The following PFKM variants were observed in gnomAD, a reference collection of about 807,000 sequenced individuals.
PFKM encodes ATP-dependent 6-phosphofructokinase, muscle type.
A neutral mutation model predicts 95.5 loss-of-function variants in PFKM; 58 were observed. The ratio of observed to expected loss-of-function variants is 0.61; its 90% CI spans 0.49 to 0.76. The LOEUF is 0.76. PFKM is among the 30% of genes least tolerant of loss of function. The pLI is 0.00. For missense variants in PFKM, 678 were observed against 1,005.4 expected (o/e 0.67, Z 4.40); for synonymous variants, 336 against 357.2 (o/e 0.94, Z 0.67).
intron 4 of PFKM, 153 bp from the exon 5 acceptor site, chr12:48,132,715 C>G: frequency 1.4e-6 from 1 of 709,944 alleles, no homozygotes; most frequent in Non-Finnish European, 2.5e-6. Context: ...CATCATTTCC[C>G]TTTCCTTTGG....
rs1371342955 is a variant in PFKM at position 48,130,420 on chromosome 12, T to A, written c.143T>A (p.Val48Asp). The A allele has an allele frequency of 6.2e-7, 1 of 1,612,930 alleles. No individual in the cohort carries two copies. The highest frequency in any genetic ancestry group is 8.5e-7 in the Non-Finnish European group (1 of 1,178,850). The change falls in exon 3 of 23, where the codon GTC becomes GAC. Residue 48 changes from valine to aspartate, a missense_variant. Coordinates refer to ENST00000359794, the MANE Select transcript of PFKM (RefSeq NM_000289.6). Reference protein sequence around the residue: ...VRVGIFTGARVFFVHEGYQGL... With the variant: ...VRVGIFTGARDFFVHEGYQGL... ...GTTGGTATCTTCACCGGTGCCCGTG[T>A]CTTCTTTGTCCATGAGGTTGGTTCT...
At chr12:48,142,325 T>C (rs1035322015) in intron 17 of PFKM, 2 of 482,782 alleles carry the variant, frequency 4.1e-6, no homozygotes, top group African/African-American at 3.9e-5. Context: ...ATACAAAAAC[T>C]AGCTGGGTGT....
chr12:48,113,907 G>T (rs1268600477), intron 3 of PFKM, among the ~76,000 whole-genome samples: 3 of 152,286 alleles, frequency 2.0e-5, no homozygotes, highest in Admixed American at 6.5e-5. Context: ...GGGTGGTAAA[G>T]CGTCTAAGGG....
At chr12:48,108,727 T>TATG (rs1946924672) in intron 3 of PFKM, among the ~76,000 whole-genome samples, 1 of 152,212 alleles carries the variant, frequency 6.6e-6, no homozygotes, top group South Asian at 2.1e-4. Context: ...GTATTTCGTC[T>TATG]TAACTTAAAT....
chr12:48,139,583 G>A, intron 12 of PFKM: 1 of 615,932 alleles, frequency 1.6e-6, no homozygotes, highest in Non-Finnish European at 2.9e-6. Flanking sequence ...CTATATGTGA[G>A]CCCCAGCAAG....
intron 3 of PFKM, 36 bp from the exon 4 acceptor site, chr12:48,131,280 G>T: frequency 7.1e-7 from 1 of 1,412,224 alleles, no homozygotes; most frequent in Non-Finnish European, 1.0e-6. Context: ...TTATAGAGAA[G>T]CCTAACGGGC....
rs1950948181 is a variant in PFKM, at chr12:48,145,351, C to T, written c.2198+36C>T. ...CTGCTTCCTGGAGTGGTTCTTTTCC[C>T]TGGTAGTTTCAAGCTCTACTGTCCT... On this transcript the variant is annotated intron_variant, in intron 22 of 22. Coordinates refer to ENST00000359794, the MANE Select transcript of PFKM (RefSeq NM_000289.6). The surrounding 1 kb of genome is among the most constrained non-coding windows in gnomAD (Gnocchi z 4.3). 1.3e-6 allele frequency: 2 copies of T among 1,548,016 alleles called. No individual in the cohort carries two copies. Among genetic ancestry groups the T allele is most frequent in the Non-Finnish European group, 8.9e-7 (1 of 1,120,200 alleles).
exon 3 of PFKM, chr12:48,108,113 C>T (rs1357131610): frequency 6.3e-7 from 1 of 1,599,210 alleles, no homozygotes; most frequent in Non-Finnish European, 8.5e-7. Flanking sequence ...ACCAAAGCCA[C>T]CACCAAAGAC....
chr12:48,129,186 TTC>T (rs1949160595), intron 2 of PFKM, among the ~76,000 whole-genome samples: 1 of 151,440 alleles, frequency 6.6e-6, no homozygotes, highest in Admixed American at 6.6e-5. Context: ...TAAGTTTTTG[TTC>T]TGTTTTGTTT....
chr12:48,139,240 A>G, intron 11 of PFKM, 45 bp from the exon 12 acceptor site: 1 of 1,486,916 alleles, frequency 6.7e-7, no homozygotes, highest in East Asian at 2.3e-5. Flanking sequence ...AGCTGTGCAG[A>G]ATCCTGACCC....
In PFKM at chr12:48,145,679, C is replaced by T. The variant is rs1286672315; in HGVS notation, c.2314C>T (p.Arg772Trp). 14 of 1,614,072 alleles carry T rather than the reference C, an allele frequency of 8.7e-6. No individual in the cohort carries two copies. Among genetic ancestry groups the T allele is most frequent in the South Asian group, 4.4e-5 (4 of 91,086 alleles). ...CCATGCCCACCTGGAGCACATCACC[C>T]GGAAGCGGTCCGGGGAAGCTGCCGT... ...SDHAHLEHIT[R>W]KRSGEAAV is the part of the protein sequence containing the mutation. The change falls in exon 23 of 23, where the codon CGG becomes TGG. Residue 772 changes from arginine to tryptophan, a missense_variant. Physicochemically the swap from Arg to Trp is moderately radical, Grantham distance 101. Transcript: ENST00000359794. This position sits in a 1 kb window ranked among gnomAD's most constrained non-coding sequence, Gnocchi z 4.3.
chr12:48,130,756 C>G (rs979003584), intron 3 of PFKM, among the ~76,000 whole-genome samples: 1 of 152,138 alleles, frequency 6.6e-6, no homozygotes, highest in African/African-American at 2.4e-5. Flanking sequence ...TTAGTATATC[C>G]AGAGGAAGAG....
chr12:48,139,410 A>T, intron 12 of PFKM, 61 bp downstream of exon 12: 1 of 1,311,774 alleles, frequency 7.6e-7, no homozygotes, highest in Non-Finnish European at 1.1e-6. Context: ...GAAGCCAAAG[A>T]TCTCCATGGC....
rs1946846742 is a variant in PFKM, at chr12:48,107,968, A to G, written c.83-104A>G. On this transcript the variant is annotated intron_variant, in intron 2 of 24. Transcript: ENST00000340802. ...AATTTTTCACTGGATTTTTGGAAAGAAAGCCCTGGACAGCTCAGAGTCATA... is the reference window on the plus strand; with the variant it reads ...AATTTTTCACTGGATTTTTGGAAAGGAAGCCCTGGACAGCTCAGAGTCATA... 3 of 1,129,740 alleles carry G rather than the reference A, an allele frequency of 2.7e-6. No individual in the cohort carries two copies. In the East Asian group the frequency reaches 7.4e-5, roughly 28 times the overall value. 70.0% of individuals were successfully genotyped at this position (1,129,740 alleles called of 1,614,324 possible).
chr12:48,108,213 C>A, intron 3 of PFKM: 1 of 1,593,420 alleles, frequency 6.3e-7, no homozygotes, highest in Non-Finnish European at 8.5e-7. Context: ...TGTGGGTCAA[C>A]AGTGAGAAAT....
intron 7 of PFKM, among the ~76,000 whole-genome samples, 153 bp from the exon 8 acceptor site, chr12:48,134,568 A>G (rs955335519): frequency 6.6e-6 from 1 of 152,222 alleles, no homozygotes; most frequent in African/African-American, 2.4e-5. Flanking sequence ...AATCTCATTG[A>G]GGGGCCCCGG....
chr12:48,108,123 C>T (rs1946865718), exon 3 of PFKM: 2 of 1,599,018 alleles, frequency 1.3e-6, no homozygotes, highest in East Asian at 2.2e-5. Context: ...CCACCAAAGA[C>T]AGACATCTTG....
rs527314868 is a variant in PFKM, at chr12:48,143,013, G to A, written c.1818+67G>A. The A allele has an allele frequency of 1.9e-5, 27 of 1,457,636 alleles. No homozygotes were observed. The South Asian group carries it at 2.7e-4, about 15-fold the overall frequency. The allele number at this position is 1,457,636 out of a possible 1,614,324, so 90.3% of individuals were successfully genotyped here. A position where few individuals can be genotyped will look rare whatever the true frequency, so the allele number is the denominator to read the frequency against. ...CTCCAGACTGTTTCCACAGTGATCT[G>A]AACTATGAGAGCTCAAGTTGAGGAC... On this transcript the variant is annotated intron_variant, in intron 18 of 22. Transcript: ENST00000359794.
intron 3 of PFKM, among the ~76,000 whole-genome samples, chr12:48,110,330 G>A (rs1404260206): frequency 6.6e-6 from 1 of 152,130 alleles, no homozygotes; most frequent in African/African-American, 2.4e-5. Context: ...TAGGTCTTAT[G>A]GACACTTTTG....
Sources: allele counts gnomAD v4.1 joint callset (sites outside exome capture counted in the v4.1 genomes callset), GRCh38; gene constraint gnomAD v4.1.1; non-coding constraint Gnocchi (gnomAD v3.1); transcripts MANE v1.5; gene names NCBI Gene and HGNC (gene_info 2026-07-23, HGNC 2026-07-21).